Variants in GABBR2 observed in about 807,000 individuals in gnomAD.
GABBR2 encodes the protein gamma-aminobutyric acid type B receptor subunit 2.
Under a neutral mutation model 105.6 loss-of-function variants are expected in GABBR2, and 23 were observed. The ratio of observed to expected loss-of-function variants is 0.22; its 90% CI spans 0.16 to 0.31. The LOEUF is 0.31. GABBR2 is among the 10% of genes least tolerant of loss of function. GABBR2 has a pLI of 1.00. For synonymous variants in GABBR2, 478 were observed against 499.7 expected (o/e 0.96, Z 0.58); for missense variants, 734 against 1,245.5 (o/e 0.59, Z 6.18).
intron 1 of GABBR2, among the ~76,000 whole-genome samples, chr9:98,614,469 G>A (rs948047953): frequency 2.6e-5 from 4 of 152,164 alleles, no homozygotes; most frequent in Non-Finnish European, 4.4e-5. Flanking sequence ...AGGTTGAGGT[G>A]AGCCGAGGTT....
chr9:98,330,307 C>T (rs557757072), intron 13 of GABBR2, among the ~76,000 whole-genome samples: 21 of 151,588 alleles, frequency 1.4e-4, no homozygotes, highest in South Asian at 6.2e-4. Flanking sequence ...TCTAAAATCA[C>T]TCTAGTTGAA....
intron 13 of GABBR2, among the ~76,000 whole-genome samples, chr9:98,328,071 C>T (rs1830954969): frequency 8.2e-6 from 1 of 122,070 alleles, no homozygotes; most frequent in South Asian, 2.9e-4. Flanking sequence ...TGGATATTGG[C>T]TTTTAGGATA....
chr9:98,627,690 G>A (rs1474685451), intron 1 of GABBR2, among the ~76,000 whole-genome samples: 2 of 152,226 alleles, frequency 1.3e-5, no homozygotes, highest in Admixed American at 1.3e-4. Flanking sequence ...GCGGGTCCGT[G>A]TGCTGGCTGA....
chr9:98,315,479 CATCTGGAAGAA>C (rs1830699339), intron 13 of GABBR2, among the ~76,000 whole-genome samples: 1 of 152,190 alleles, frequency 6.6e-6, no homozygotes, highest in Non-Finnish European at 1.5e-5. Flanking sequence ...TGGCAATGGG[CATCTGGAAGAA>C]AATCAAGTGA....
rs552512154 is a variant in GABBR2 at position 98,671,337 on chromosome 9, T to C, written c.321+37080A>G. ...TAGCATGCATCAGTACTCCATTCCT[T>C]TTTATGGGCAAGCAGTTATCTATTT... On this transcript the variant is annotated intron_variant, in intron 1 of 18. Transcript: ENST00000259455. Among the ~76,000 whole-genome samples, 4 of 152,338 alleles carry C rather than the reference T, an allele frequency of 2.6e-5. No homozygotes were observed. In the East Asian group the frequency reaches 7.7e-4, roughly 29 times the overall value.
intron 10 of GABBR2, among the ~76,000 whole-genome samples, chr9:98,386,058 C>T (rs894812654): frequency 3.3e-5 from 5 of 152,200 alleles, no homozygotes; most frequent in African/African-American, 1.2e-4. Flanking sequence ...ACTGTTTGTC[C>T]TTCACTAAAA....
At chr9:98,666,419 T>A (rs980529596) in intron 1 of GABBR2, among the ~76,000 whole-genome samples, 1 of 152,186 alleles carries the variant, frequency 6.6e-6, no homozygotes, top group Non-Finnish European at 1.5e-5. Flanking sequence ...TTATGGTAGG[T>A]CTAGAGACAT....
At chr9:98,456,300 C>A (rs556311875) in intron 6 of GABBR2, among the ~76,000 whole-genome samples, 1 of 152,148 alleles carries the variant, frequency 6.6e-6, no homozygotes, top group Non-Finnish European at 1.5e-5. Flanking sequence ...AGCTCCTTGC[C>A]CAGCTCTTGG....
At chr9:98,702,319 T>C (rs1339058797) in intron 1 of GABBR2, among the ~76,000 whole-genome samples, 1 of 151,962 alleles carries the variant, frequency 6.6e-6, no homozygotes, top group Non-Finnish European at 1.5e-5. Flanking sequence ...TTGCCCCTCC[T>C]GCCCTGTCGG....
In GABBR2 at chr9:98,648,116, T is replaced by TAGATAGATAGATAGATAG. The variant is rs1554723459; in HGVS notation, c.321+60300_321+60301insCTATCTATCTATCTATCT. On this transcript the variant is annotated intron_variant, in intron 1 of 18. Coordinates refer to ENST00000259455, the MANE Select transcript of GABBR2 (RefSeq NM_005458.8). ...GTGTGTGTGTGTGTGTGTGTGTGTGTATAGATAGATAGATAGATAGATAGA... is the reference window on the plus strand; with the variant it reads ...GTGTGTGTGTGTGTGTGTGTGTGTGTAGATAGATAGATAGATAGATAGATAGATAGATAGATAGATAGA... 2.9e-3 allele frequency among the ~76,000 whole-genome samples: 160 copies of TAGATAGATAGATAGATAG among 55,954 alleles called. 3 individuals are homozygous for TAGATAGATAGATAGATAG. Among genetic ancestry groups the TAGATAGATAGATAGATAG allele is most frequent in the South Asian group, 9.3e-3 (10 of 1,078 alleles). 36.7% of individuals were successfully genotyped at this position (55,954 alleles called of 152,430 possible).
chr9:98,597,862 C>A (rs1456409156), intron 1 of GABBR2, among the ~76,000 whole-genome samples: 2 of 152,020 alleles, frequency 1.3e-5, no homozygotes, highest in Non-Finnish European at 2.9e-5. Context: ...CTCTGTCTCC[C>A]AGGCTGGAGT....
chr9:98,347,997 C>T (rs755677689), intron 13 of GABBR2, among the ~76,000 whole-genome samples: 16 of 152,188 alleles, frequency 1.1e-4, no homozygotes, highest in South Asian at 4.1e-4. Context: ...TTTGATTCTC[C>T]TTTTCCTTCC....
At position 98,299,226 on chromosome 9, in the gene GABBR2, G is replaced by A; in HGVS notation, c.2540C>T (p.Thr847Ile). 1.9e-6 allele frequency: 3 copies of A among 1,613,792 alleles called. No homozygotes were observed. The highest frequency in any genetic ancestry group is 2.5e-6 in the Non-Finnish European group (3 of 1,179,816). Residue 847 changes from threonine to isoleucine, a missense_variant and splice_region_variant, in exon 17 of 19, where the codon ACA (threonine) becomes ATA (isoleucine). Coordinates refer to ENST00000259455, the MANE Select transcript of GABBR2 (RefSeq NM_005458.8). ...TTCTGGGGCCCTGGCTCTCTTACCT[G>A]TGCTCTCAGTGAAGTTTCCCAGGTT... ...ILNLGNFTES[T>I]DGGKAILKNH...
At chr9:98,588,610 C>T (rs1186681272) in intron 1 of GABBR2, among the ~76,000 whole-genome samples, 1 of 152,092 alleles carries the variant, frequency 6.6e-6, no homozygotes, top group Non-Finnish European at 1.5e-5. Flanking sequence ...GTAATTTGCC[C>T]CAAGTTGCAC....
In GABBR2 at chr9:98,289,380, C is replaced by T. The variant is rs531088203; in HGVS notation, c.*1204G>A. 1 of 152,650 alleles carries T rather than the reference C, an allele frequency of 6.6e-6. No homozygotes were observed. The highest frequency in any genetic ancestry group is 6.5e-5 in the Admixed American group (1 of 15,304). The allele number at this position is 152,650 out of a possible 1,614,324, so 9.5% of individuals were successfully genotyped here. A position where few individuals can be genotyped will look rare whatever the true frequency, so the allele number is the denominator to read the frequency against. The stretch of plus-strand genomic sequence containing the variant: ...GGGCAGGGGACTGAGGACTTGAACC[C>T]AGGTCTGTCTGACTCCCAGGCCAGT... On this transcript the variant is annotated 3_prime_UTR_variant, in exon 19 of 19. Transcript: ENST00000259455.
intron 3 of GABBR2, among the ~76,000 whole-genome samples, chr9:98,497,950 T>C (rs554250000): frequency 6.6e-6 from 1 of 152,372 alleles, no homozygotes; most frequent in Admixed American, 6.5e-5. Flanking sequence ...AGAACATTTG[T>C]TCACTGCAGC....
At chr9:98,478,387 G>T (rs770455282) in intron 5 of GABBR2, among the ~76,000 whole-genome samples, 3 of 152,158 alleles carry the variant, frequency 2.0e-5, no homozygotes, top group Non-Finnish European at 4.4e-5. Context: ...CCTTCCAGAA[G>T]AACTCCTTCC....
At chr9:98,361,467 C>T (rs564560199) in intron 13 of GABBR2, among the ~76,000 whole-genome samples, 1 of 152,224 alleles carries the variant, frequency 6.6e-6, no homozygotes, top group Non-Finnish European at 1.5e-5. Flanking sequence ...CTGGTGTTGA[C>T]ATCCTGTCTG....
intron 1 of GABBR2, among the ~76,000 whole-genome samples, chr9:98,608,347 A>G (rs1329881106): frequency 6.6e-6 from 1 of 152,192 alleles, no homozygotes; most frequent in African/African-American, 2.4e-5. Flanking sequence ...TAACAGCTCT[A>G]CTTTTCCTAC....
Sources: gnomAD v4.1 joint callset for allele counts (sites outside exome capture counted in the v4.1 genomes callset) on GRCh38, gnomAD v4.1.1 for gene constraint, MANE v1.5 for transcripts, NCBI Gene and HGNC (gene_info 2026-07-23, HGNC 2026-07-21) for gene names.